Variants in SMOC2 observed in about 807,000 individuals in gnomAD.
SMOC2 encodes SPARC-related modular calcium-binding protein 2.
SMOC2 carries 39 observed loss-of-function variants against 61.4 expected under a neutral mutation model. The ratio of observed to expected loss-of-function variants is 0.64; its 90% CI spans 0.49 to 0.83. The LOEUF (loss-of-function observed/expected upper bound fraction) is 0.83, where lower values mean the gene tolerates loss of function less well. Among genes scored for constraint, SMOC2 ranks in the 40% least tolerant of loss-of-function variants. The pLI, the probability that SMOC2 is intolerant of heterozygous loss-of-function variation, is 0.00. For missense variants in SMOC2, 556 were observed against 592.9 expected (o/e 0.94, Z 0.65); for synonymous variants, 247 against 239.9 (o/e 1.03, Z -0.27).
intron 4 of SMOC2, among the ~76,000 whole-genome samples, chr6:168,531,911 A>G (rs1783612841): frequency 6.6e-6 from 1 of 152,160 alleles, no homozygotes; most frequent in Non-Finnish European, 1.5e-5. Flanking sequence ...AGTCGGGCGT[A>G]GGAGAATGTG....
At position 168,580,269 on chromosome 6, in the gene SMOC2, G is replaced by A. The variant is rs149192199; in HGVS notation, c.638-18549G>A. 1.1e-4 allele frequency among the ~76,000 whole-genome samples: 16 copies of A among 152,312 alleles called. No homozygotes were observed. In the East Asian group the frequency reaches 2.9e-3, roughly 28 times the overall value. ...TTCTCTCCAAAGGAACTGGATCCAC[G>A]CATTTTATCCAAACCCTGTTTTTTA... On this transcript the variant is annotated intron_variant, in intron 7 of 12. Transcript: ENST00000356284.
chr6:168,641,306 A>T (rs1182668932), intron 9 of SMOC2, among the ~76,000 whole-genome samples: 1 of 152,094 alleles, frequency 6.6e-6, no homozygotes, highest in Non-Finnish European at 1.5e-5. Context: ...AAGCCTGCGA[A>T]ACCTGAAGAA....
chr6:168,471,826 A>G (rs1403289560), intron 1 of SMOC2, among the ~76,000 whole-genome samples: 4 of 152,048 alleles, frequency 2.6e-5, no homozygotes, highest in African/African-American at 9.7e-5. Flanking sequence ...TTTCATTTTT[A>G]TTTCCCTAAT....
At position 168,606,267 on chromosome 6, in the gene SMOC2, C is replaced by A. The variant is rs9364472; in HGVS notation, c.825-1890C>A. On this transcript the variant is annotated intron_variant, in intron 8 of 12. Coordinates refer to ENST00000356284, the MANE Select transcript of SMOC2 (RefSeq NM_001166412.2). The stretch of plus-strand genomic sequence containing the variant: ...CTTGTGACCTCTTGGAGCTGACCCC[C>A]ACCCCCACATTTTCAAAGAATATGA... Among the ~76,000 whole-genome samples the A allele has an allele frequency of 3.7e-3, 558 of 152,094 alleles. 6 individuals are homozygous for A. The highest frequency in any genetic ancestry group is 0.014 in the Middle Eastern group (4 of 294).
At chr6:168,489,287 C>G (rs1782414167) in intron 1 of SMOC2, among the ~76,000 whole-genome samples, 1 of 150,670 alleles carries the variant, frequency 6.6e-6, no homozygotes, top group Admixed American at 6.6e-5. Flanking sequence ...TTGGATCACA[C>G]TGTTTTAGAG....
intron 9 of SMOC2, among the ~76,000 whole-genome samples, chr6:168,632,279 C>G (rs1278231378): frequency 1.3e-5 from 2 of 152,192 alleles, no homozygotes; most frequent in African/African-American, 4.8e-5. Flanking sequence ...AATTAGATCA[C>G]TTTGGCCATA....
chr6:168,563,354 A>T (rs1784467693), intron 7 of SMOC2, among the ~76,000 whole-genome samples: 1 of 152,082 alleles, frequency 6.6e-6, no homozygotes, highest in Non-Finnish European at 1.5e-5. Context: ...GTGTATATGT[A>T]TGTGTGTATA....
At chr6:168,614,978 T>C (rs1384480427) in intron 9 of SMOC2, among the ~76,000 whole-genome samples, 1 of 30,470 alleles carries the variant, frequency 3.3e-5, no homozygotes, top group Non-Finnish European at 6.6e-5. Context: ...GCACAGGGCC[T>C]CTTCACACCT....
At chr6:168,517,095 C>T (rs569079378) in intron 2 of SMOC2, among the ~76,000 whole-genome samples, 2 of 152,344 alleles carry the variant, frequency 1.3e-5, no homozygotes, top group South Asian at 2.1e-4. Context: ...TGGGGCCGCT[C>T]ATCCAAGTTC....
At chr6:168,574,236 A>G (rs1784740490) in intron 7 of SMOC2, among the ~76,000 whole-genome samples, 1 of 152,226 alleles carries the variant, frequency 6.6e-6, no homozygotes, top group Non-Finnish European at 1.5e-5. Context: ...GAGGGGGGCC[A>G]GGCCCTGAGC....
At chr6:168,520,258 T>G (rs1217663500) in intron 2 of SMOC2, among the ~76,000 whole-genome samples, 1 of 152,220 alleles carries the variant, frequency 6.6e-6, no homozygotes, top group Non-Finnish European at 1.5e-5. Context: ...ACTCTGGCCT[T>G]CAAAATTACG....
Position 168,535,400 on chromosome 6 carries a change from A to T in SMOC2, c.463+7673A>T, listed in dbSNP as rs1303944287. On this transcript the variant is annotated intron_variant, in intron 4 of 12. Transcript: ENST00000356284. This position sits in a 1 kb window ranked among gnomAD's most constrained non-coding sequence, Gnocchi z 4.6. The stretch of plus-strand genomic sequence containing the variant: ...GCTACAACAGTTAAATGTTGCAAAG[A>T]TTTATGAAACTATTAAAATGTTGTG... Among the ~76,000 whole-genome samples the T allele has an allele frequency of 1.3e-5, 2 of 152,206 alleles. No homozygotes were observed. The highest frequency in any genetic ancestry group is 2.9e-5 in the Non-Finnish European group (2 of 68,024).
chr6:168,503,065 CTTTTTTTTTTTTT>C (rs762736911), intron 1 of SMOC2, among the ~76,000 whole-genome samples: 7 of 47,804 alleles, frequency 1.5e-4, no homozygotes, highest in Admixed American at 2.9e-4. Flanking sequence ...CGTGCCTGGC[CTTTTTTTTTTTTT>C]TTTTTTTTTT....
chr6:168,469,530 A>T (rs536263356), intron 1 of SMOC2, among the ~76,000 whole-genome samples: 10 of 152,330 alleles, frequency 6.6e-5, no homozygotes, highest in African/African-American at 2.2e-4. Context: ...CAATTTTGTA[A>T]ATCTTTCTGT....
intron 9 of SMOC2, among the ~76,000 whole-genome samples, chr6:168,638,634 C>T (rs1786808270): frequency 6.6e-6 from 1 of 152,098 alleles, no homozygotes. Flanking sequence ...GAGGGACAGC[C>T]GGAATTCCCG....
At chr6:168,547,028 G>A (rs1784020127) in intron 5 of SMOC2, 91 bp from the exon 6 acceptor site, 3 of 1,492,910 alleles carry the variant, frequency 2.0e-6, no homozygotes, top group African/African-American at 1.4e-5. Flanking sequence ...GGGACTGAGT[G>A]CAAGTCCTCA....
rs1414793176 is a variant in SMOC2 at position 168,501,827 on chromosome 6, G to GAA, written c.85-8087_85-8086dup. Among the ~76,000 whole-genome samples, 5 of 152,332 alleles carry GAA rather than the reference G, an allele frequency of 3.3e-5. No individual in the cohort carries two copies. The East Asian group carries it at 9.7e-4, about 29-fold the overall frequency. On this transcript the variant is annotated intron_variant, in intron 1 of 12. Transcript: ENST00000356284. Reference sequence around the variant, plus strand: ...GAGAGGTCCGTCTTGATTCCCCACAGAAGGTGGGAGCGTCTCCAGGCGTTT... The same window carrying GAA: ...GAGAGGTCCGTCTTGATTCCCCACAGAAAAGGTGGGAGCGTCTCCAGGCGTTT...
chr6:168,663,158 A>G lies in SMOC2; in HGVS notation c.1286-916A>G, dbSNP rs144418748. On this transcript the variant is annotated intron_variant, in intron 11 of 12. Coordinates refer to ENST00000356284, the MANE Select transcript of SMOC2 (RefSeq NM_001166412.2). ...AGCCCACCAGTGAGTGGGTGAAGAT[A>G]GGAAAGGGATGAGGATGCTGGAGCC... is the stretch of plus-strand genomic sequence containing the variant. Among the ~76,000 whole-genome samples the G allele has an allele frequency of 7.9e-5, 12 of 152,234 alleles. No homozygotes were observed. The East Asian group carries it at 2.3e-3, about 29-fold the overall frequency.
intron 10 of SMOC2, 123 bp from the exon 11 acceptor site, chr6:168,652,831 C>T: frequency 1.3e-6 from 1 of 795,850 alleles, no homozygotes; most frequent in Non-Finnish European, 2.1e-6. Flanking sequence ...ACCAGTGCTG[C>T]AGGCTGAGAC....
Sources: allele counts gnomAD v4.1 joint callset (sites outside exome capture counted in the v4.1 genomes callset), GRCh38; gene constraint gnomAD v4.1.1; non-coding constraint Gnocchi (gnomAD v3.1); transcripts MANE v1.5; gene names NCBI Gene and HGNC (gene_info 2026-07-23, HGNC 2026-07-21).